The following CELSR1 variants were observed in gnomAD, a reference collection of about 807,000 sequenced individuals.
CELSR1 encodes the protein cadherin EGF LAG seven-pass G-type receptor 1.
A neutral mutation model predicts 249.1 loss-of-function variants in CELSR1; 110 were observed. That is an observed-to-expected ratio of 0.44 (90% CI 0.38 to 0.52). CELSR1 has a LOEUF of 0.52. Among genes scored for constraint, CELSR1 ranks in the 20% least tolerant of loss-of-function variants. CELSR1 has a pLI of 0.00. For missense variants in CELSR1, 4,109 were observed against 4,296.4 expected, an observed-to-expected ratio of 0.96 and a Z score of 1.22; for synonymous variants, 2,113 against 1,900.0, an observed-to-expected ratio of 1.11 and a Z score of -2.92.
Position 46,518,280 on chromosome 22 carries a change from C to T in CELSR1, c.3544+15347G>A, listed in dbSNP as rs956196298. Among the ~76,000 whole-genome samples, 2 of 152,212 alleles carry T rather than the reference C, an allele frequency of 1.3e-5. No individual in the cohort carries two copies. The highest frequency in any genetic ancestry group is 4.8e-5 in the African/African-American group (2 of 41,452). ...CTCAGCACAGACGCTGCTATCACAG[C>T]AGACCTTACTGAGGAGTCAGAGCCT... On this transcript the variant is annotated intron_variant, in intron 1 of 34. Coordinates refer to ENST00000674500, the MANE Select transcript of CELSR1 (RefSeq NM_001378328.1). The surrounding 1 kb of genome is among the most constrained non-coding windows in gnomAD (Gnocchi z 5.2).
chr22:46,528,234 A>C (rs1380239557), intron 1 of CELSR1, among the ~76,000 whole-genome samples: 1 of 152,060 alleles, frequency 6.6e-6, no homozygotes, highest in Non-Finnish European at 1.5e-5. Context: ...TTTAAAAGCC[A>C]CTGCAATATC....
chr22:46,528,711 G>A (rs1254068504), intron 1 of CELSR1, among the ~76,000 whole-genome samples: 1 of 151,098 alleles, frequency 6.6e-6, no homozygotes, highest in South Asian at 2.1e-4. Flanking sequence ...GGCGGATCAC[G>A]AGGTCAGGAG....
intron 1 of CELSR1, among the ~76,000 whole-genome samples, chr22:46,523,527 C>CAAATAAATAAAT (rs35618954): frequency 0.099 from 14,220 of 143,440 alleles, 790 homozygotes; most frequent in African/African-American, 0.15. Context: ...GACTCTGTCT[C>CAAATAAATAAAT]AAATAAATAA....
rs757326902 is a variant in CELSR1 at position 46,389,529 on chromosome 22, C to T, written c.6346-30G>A. 4 of 1,609,350 alleles carry T rather than the reference C, an allele frequency of 2.5e-6. No individual in the cohort carries two copies. The South Asian group carries it at 4.4e-5, about 18-fold the overall frequency. ...AACAGGGAGGCAGTCGTGATGTGTG[C>T]AAACCCACTTCGGCCGCTTTCAGTC... On this transcript the variant is annotated intron_variant, in intron 17 of 34. Coordinates refer to ENST00000674500, the MANE Select transcript of CELSR1 (RefSeq NM_001378328.1).
rs755142442 is a variant in CELSR1 at position 46,410,097 on chromosome 22, G to A, written c.4934-217C>T. Among the ~76,000 whole-genome samples the A allele has an allele frequency of 4.6e-5, 7 of 152,204 alleles. No individual in the cohort carries two copies. Among genetic ancestry groups the A allele is most frequent in the Non-Finnish European group, 8.8e-5 (6 of 68,028 alleles). On this transcript the variant is annotated intron_variant, in intron 7 of 34. Transcript: ENST00000674500. The surrounding 1 kb of genome is among the most constrained non-coding windows in gnomAD (Gnocchi z 6.8). ...AGACGCTGGGACGCCAGGCCATCAC[G>A]GCAGCCGGCCCGGTCACCTGGTGAC...
Position 46,422,675 on chromosome 22 carries a change from G to A in CELSR1, c.4611+10718C>T, listed in dbSNP as rs1003660012. ...CCAGCTACTCAGGAGACTGAGGCAG[G>A]AGAATGGTGTGAACCCAGGAGGTGG... On this transcript the variant is annotated intron_variant, in intron 5 of 34. Coordinates refer to ENST00000674500, the MANE Select transcript of CELSR1 (RefSeq NM_001378328.1). Among the ~76,000 whole-genome samples the A allele has an allele frequency of 8.6e-5, 13 of 151,672 alleles. No individual in the cohort carries two copies. The East Asian group carries it at 2.3e-3, about 27-fold the overall frequency.
intron 1 of CELSR1, among the ~76,000 whole-genome samples, chr22:46,510,620 G>C (rs566619850): frequency 2.0e-5 from 3 of 152,316 alleles, no homozygotes; most frequent in Admixed American, 6.5e-5. Context: ...AAGTCAGAGC[G>C]CAGCGGAAGG....
At chr22:46,461,787 G>A (rs2080031029) in intron 2 of CELSR1, among the ~76,000 whole-genome samples, 3 of 152,340 alleles carry the variant, frequency 2.0e-5, no homozygotes, top group Admixed American at 6.5e-5. Flanking sequence ...CCGCGGCCAC[G>A]GCTTCTTCAT....
At position 46,391,262 on chromosome 22, in the gene CELSR1, T is replaced by A. The variant is rs764370253; in HGVS notation, c.6174A>T (p.Ala2058=). ...CEVIYNGCPK[A]FEAGIWWPQT... ...GTGGCCACCAGATGCCGGCCTCAAA[T>A]GCTTTGGGACAGCCATTGTAGATCA... Residue 2058 remains alanine, a synonymous_variant, in exon 16 of 35, where the codon GCA becomes GCT. Coordinates refer to ENST00000674500, the MANE Select transcript of CELSR1 (RefSeq NM_001378328.1). The surrounding 1 kb of genome is among the most constrained non-coding windows in gnomAD (Gnocchi z 4.3). 6.2e-7 allele frequency: 1 copy of A among 1,613,648 alleles called. No homozygotes were observed. The highest frequency in any genetic ancestry group is 8.5e-7 in the Non-Finnish European group (1 of 1,179,966).
intron 18 of CELSR1, among the ~76,000 whole-genome samples, chr22:46,387,507 C>A (rs561467634): frequency 5.3e-5 from 8 of 151,894 alleles, no homozygotes; most frequent in Non-Finnish European, 1.0e-4. Flanking sequence ...CAGCCTCCCA[C>A]CACCCCGCCC....
At chr22:46,463,448 G>A (rs573754314) in intron 2 of CELSR1, among the ~76,000 whole-genome samples, 8 of 152,168 alleles carry the variant, frequency 5.3e-5, no homozygotes, top group Admixed American at 2.0e-4. Flanking sequence ...CCGAGGAGGC[G>A]GAGGTTGTAG....
At position 46,434,940 on chromosome 22, in the gene CELSR1, T is replaced by C. The variant is rs916495895; in HGVS notation, c.4522+1234A>G. ...TGAACCTGGGAGGTGGAGGTCGCAG[T>C]GAGCCAATATTGCACCACTGCACTC... is the stretch of plus-strand genomic sequence containing the variant. On this transcript the variant is annotated intron_variant, in intron 4 of 34. Transcript: ENST00000674500. The surrounding 1 kb of genome is among the most constrained non-coding windows in gnomAD (Gnocchi z 4.9). Among the ~76,000 whole-genome samples, 2 of 151,868 alleles carry C rather than the reference T, an allele frequency of 1.3e-5. No homozygotes were observed. The highest frequency in any genetic ancestry group is 2.9e-5 in the Non-Finnish European group (2 of 68,002).
Position 46,468,355 on chromosome 22 carries a change from C to T in CELSR1, c.3545-4010G>A, listed in dbSNP as rs986201532. ...GAGCCAAGATCATACCACTGCACTC[C>T]AGCCTGGGCAACAAAGCAAGACTCT... On this transcript the variant is annotated intron_variant, in intron 1 of 34. Coordinates refer to ENST00000674500, the MANE Select transcript of CELSR1 (RefSeq NM_001378328.1). This position sits in a 1 kb window ranked among gnomAD's most constrained non-coding sequence, Gnocchi z 4.5. 2.7e-5 allele frequency among the ~76,000 whole-genome samples: 4 copies of T among 149,612 alleles called. No homozygotes were observed. The highest frequency in any genetic ancestry group is 2.1e-4 in the South Asian group (1 of 4,672).
rs1385632049 is a variant in CELSR1, at chr22:46,471,491, G to C, written c.3545-7146C>G. On this transcript the variant is annotated intron_variant, in intron 1 of 34. Transcript: ENST00000674500. This position sits in a 1 kb window ranked among gnomAD's most constrained non-coding sequence, Gnocchi z 4.9. ...TTGAGCTTTGAGCTCCTGGGCTCAAGTGATCCTCCTGCCTCAGCCTCCTGA... is the reference window on the plus strand; with the variant it reads ...TTGAGCTTTGAGCTCCTGGGCTCAACTGATCCTCCTGCCTCAGCCTCCTGA... 3.3e-5 allele frequency among the ~76,000 whole-genome samples: 5 copies of C among 152,146 alleles called. No homozygotes were observed. The highest frequency in any genetic ancestry group is 5.9e-5 in the Non-Finnish European group (4 of 68,038).
rs752550283 is a variant in CELSR1 at position 46,440,390 on chromosome 22, G to A, written c.4184-979C>T. Among the ~76,000 whole-genome samples, 3 of 152,120 alleles carry A rather than the reference G, an allele frequency of 2.0e-5. No homozygotes were observed. Among genetic ancestry groups the A allele is most frequent in the Non-Finnish European group, 4.4e-5 (3 of 68,028 alleles). ...AATTTTTTGTATTTTTAGTAGAGAC[G>A]GGGATTCACCGTGTTAGCCAGGATG... On this transcript the variant is annotated intron_variant, in intron 2 of 34. Transcript: ENST00000674500. This position sits in a 1 kb window ranked among gnomAD's most constrained non-coding sequence, Gnocchi z 4.7.
At chr22:46,525,435 G>C (rs2147802048) in intron 1 of CELSR1, among the ~76,000 whole-genome samples, 1 of 87,346 alleles carries the variant, frequency 1.1e-5, no homozygotes, top group East Asian at 2.5e-4. Flanking sequence ...GGCAACAAAA[G>C]CAAAACTCTG....
chr22:46,495,206 C>A (rs1602210504), intron 1 of CELSR1, among the ~76,000 whole-genome samples: 1 of 152,190 alleles, frequency 6.6e-6, no homozygotes, highest in East Asian at 1.9e-4. Flanking sequence ...CTGGTACAGC[C>A]TGCTACACAC....
rs1337737222 is a variant in CELSR1, at chr22:46,506,189, A to G, written c.3544+27438T>C. 3.3e-5 allele frequency among the ~76,000 whole-genome samples: 5 copies of G among 150,776 alleles called. No individual in the cohort carries two copies. The highest frequency in any genetic ancestry group is 1.2e-4 in the African/African-American group (5 of 41,150). On this transcript the variant is annotated intron_variant, in intron 1 of 34. Transcript: ENST00000674500. The surrounding 1 kb of genome is among the most constrained non-coding windows in gnomAD (Gnocchi z 4.1). The stretch of plus-strand genomic sequence containing the variant: ...GACTGTCTCCAAAAAAAAAAAAAAA[A>G]AAAAGAAAAAGAAAGAAAGACAGAA...
intron 20 of CELSR1, 116 bp downstream of exon 20, chr22:46,384,426 CG>C: frequency 8.0e-7 from 1 of 1,250,992 alleles, no homozygotes; most frequent in Admixed American, 3.1e-5. Flanking sequence ...AGAGAGCACT[CG>C]GAACACTCTG....
Sources: allele counts gnomAD v4.1 joint callset (sites outside exome capture counted in the v4.1 genomes callset), GRCh38; gene constraint gnomAD v4.1.1; non-coding constraint Gnocchi (gnomAD v3.1); transcripts MANE v1.5; gene names NCBI Gene and HGNC (gene_info 2026-07-23, HGNC 2026-07-21).